The following IL1RAPL1 variants were observed in gnomAD, a reference collection of about 807,000 sequenced individuals.
IL1RAPL1 encodes interleukin 1 receptor accessory protein like 1.
IL1RAPL1 carries 3 observed loss-of-function variants against 48.4 expected under a neutral mutation model. The observed-to-expected ratio is 0.06, with a 90% CI of 0.03 to 0.16. IL1RAPL1 has a LOEUF of 0.16. Among genes scored for constraint, IL1RAPL1 ranks in the 10% least tolerant of loss-of-function variants. The probability of loss-of-function intolerance (pLI) is 1.00; values close to 1 mark genes in which losing one functional copy is unlikely to be tolerated. For missense variants in IL1RAPL1, 349 were observed against 530.6 expected (o/e 0.66, Z 3.36); for synonymous variants, 185 against 187.7 (o/e 0.99, Z 0.12).
intron 6 of IL1RAPL1, among the ~76,000 whole-genome samples, chrX:29,905,831 T>A (rs901291457): frequency 9.0e-6 from 1 of 111,416 alleles, no homozygotes. Flanking sequence ...TGTTAAAAAA[T>A]TTTTTGCTGA....
chrX:28,824,654 C>G (rs772029533), intron 2 of IL1RAPL1, among the ~76,000 whole-genome samples: 4 of 111,377 alleles, frequency 3.6e-5, no homozygotes, highest in African/African-American at 1.3e-4. Context: ...ATGTTTTGTA[C>G]ATCAAAGTAT....
chrX:29,916,777 C>G (rs917154366), intron 6 of IL1RAPL1, among the ~76,000 whole-genome samples: 3 of 111,975 alleles, frequency 2.7e-5, no homozygotes, highest in Admixed American at 1.9e-4. Flanking sequence ...ACTGACCAAT[C>G]TGTATTCACC....
intron 6 of IL1RAPL1, among the ~76,000 whole-genome samples, chrX:29,818,066 C>T (rs994342045): frequency 5.4e-5 from 6 of 111,953 alleles, no homozygotes; most frequent in African/African-American, 1.9e-4. Flanking sequence ...TGATCAGGCC[C>T]TCCATAAAAG....
At chrX:28,664,331 A>G (rs1317257334) in intron 1 of IL1RAPL1, among the ~76,000 whole-genome samples, 1 of 112,194 alleles carries the variant, frequency 8.9e-6, no homozygotes, top group Non-Finnish European at 1.9e-5. Context: ...TTCAATTTCT[A>G]TATTTATATG....
At chrX:29,362,128 A>C (rs1014543885) in intron 3 of IL1RAPL1, among the ~76,000 whole-genome samples, 1 of 112,608 alleles carries the variant, frequency 8.9e-6, no homozygotes, top group African/African-American at 3.2e-5. Context: ...TATAGTACAA[A>C]AATTAAAACA....
intron 1 of IL1RAPL1, among the ~76,000 whole-genome samples, chrX:28,742,727 G>A (rs1489271407): frequency 8.9e-6 from 1 of 112,028 alleles, no homozygotes; most frequent in Non-Finnish European, 1.9e-5. Context: ...GAGACCGATT[G>A]TGTTCAGTTA....
rs896614556 is a variant in IL1RAPL1, at chrX:29,720,084, A to G, written c.778+51580A>G. On this transcript the variant is annotated intron_variant, in intron 6 of 10. Transcript: ENST00000378993. Reference sequence around the variant, plus strand: ...TCTCACGCCAGTTAGAATGGCAATCATTAAAAAGTCAGGAAACAACAGATG... The same window carrying G: ...TCTCACGCCAGTTAGAATGGCAATCGTTAAAAAGTCAGGAAACAACAGATG... Among the ~76,000 whole-genome samples, 5 of 112,185 alleles carry G rather than the reference A, an allele frequency of 4.5e-5. No individual in the cohort carries two copies. The Admixed American group carries it at 4.7e-4, about 11-fold the overall frequency.
chrX:28,997,072 T>G (rs1925742274), intron 2 of IL1RAPL1, among the ~76,000 whole-genome samples: 1 of 111,103 alleles, frequency 9.0e-6, no homozygotes, highest in Admixed American at 9.6e-5. Context: ...AGGACATCTT[T>G]ATGACATCAG....
intron 3 of IL1RAPL1, among the ~76,000 whole-genome samples, chrX:29,311,209 A>G (rs911050731): frequency 8.9e-6 from 1 of 112,180 alleles, no homozygotes. Context: ...CATAAAAGAT[A>G]TTTTGTACAT....
At chrX:29,011,019 G>GA (rs1052305794) in intron 2 of IL1RAPL1, among the ~76,000 whole-genome samples, 1 of 111,526 alleles carries the variant, frequency 9.0e-6, no homozygotes, top group African/African-American at 3.3e-5. Flanking sequence ...TGAGAGGGAA[G>GA]AAAAAAATCT....
intron 2 of IL1RAPL1, among the ~76,000 whole-genome samples, chrX:28,892,443 C>A (rs1922796745): frequency 9.0e-6 from 1 of 110,515 alleles, no homozygotes; most frequent in African/African-American, 3.3e-5. Context: ...GTGGAATGTC[C>A]TCAGGTAAGG....
intron 5 of IL1RAPL1, among the ~76,000 whole-genome samples, chrX:29,480,285 C>CATATATATATATAT (rs1180845228): frequency 1.1e-4 from 6 of 56,708 alleles, no homozygotes; most frequent in African/African-American, 5.2e-4. Context: ...TATACACACA[C>CATATATATATATAT]ATATACATAT....
chrX:29,049,479 G>A (rs1602029749), intron 2 of IL1RAPL1, among the ~76,000 whole-genome samples: 1 of 111,959 alleles, frequency 8.9e-6, no homozygotes, highest in South Asian at 3.7e-4. Context: ...GAAGAGTGGT[G>A]CAATGGAACC....
chrX:28,958,470 A>G (rs1047767127), intron 2 of IL1RAPL1, among the ~76,000 whole-genome samples: 2 of 111,724 alleles, frequency 1.8e-5, no homozygotes, highest in African/African-American at 3.3e-5. Flanking sequence ...GCAATGTACT[A>G]TAGACATGCA....
At chrX:29,953,880 C>A (rs1933362653) in intron 9 of IL1RAPL1, among the ~76,000 whole-genome samples, 1 of 97,335 alleles carries the variant, frequency 1.0e-5, no homozygotes, top group African/African-American at 3.4e-5. Flanking sequence ...TAAGAGCATA[C>A]TGATATCCAA....
At chrX:29,941,837 T>G (rs1933134115) in intron 9 of IL1RAPL1, 43 bp downstream of exon 9, 2 of 1,161,374 alleles carry the variant, frequency 1.7e-6, no homozygotes, top group Non-Finnish European at 2.3e-6. Context: ...AATGTTCTAA[T>G]TTCTTTCTTG....
intron 6 of IL1RAPL1, among the ~76,000 whole-genome samples, chrX:29,861,848 C>G (rs184304772): frequency 9.0e-6 from 1 of 111,242 alleles, no homozygotes; most frequent in East Asian, 2.8e-4. Flanking sequence ...TTCTTTTAAT[C>G]TGAATCTAAA....
At chrX:29,618,302 T>A (rs1924351754) in intron 5 of IL1RAPL1, among the ~76,000 whole-genome samples, 1 of 112,026 alleles carries the variant, frequency 8.9e-6, no homozygotes, top group African/African-American at 3.2e-5. Flanking sequence ...CTATGACACA[T>A]AATACTTTCA....
At chrX:29,242,025 C>T (rs916161118) in intron 2 of IL1RAPL1, among the ~76,000 whole-genome samples, 3 of 111,793 alleles carry the variant, frequency 2.7e-5, no homozygotes, top group Non-Finnish European at 5.6e-5. Context: ...TCATGATTCA[C>T]TCAAGGTCAA....
Sources: allele counts gnomAD v4.1 joint callset (sites outside exome capture counted in the v4.1 genomes callset), GRCh38; gene constraint gnomAD v4.1.1; transcripts MANE v1.5; gene names NCBI Gene and HGNC (gene_info 2026-07-23, HGNC 2026-07-21).